Variants in SYT1 observed in about 807,000 individuals in gnomAD.
The protein encoded by SYT1 is synaptotagmin-1.
A neutral mutation model predicts 44.8 loss-of-function variants in SYT1; 8 were observed. That is an observed-to-expected ratio of 0.18 (90% confidence interval 0.10 to 0.32). SYT1 has a LOEUF of 0.32. Among genes scored for constraint, SYT1 ranks in the 10% least tolerant of loss-of-function variants. SYT1 has a pLI of 1.00. For missense variants in SYT1, 286 were observed against 509.3 expected (o/e 0.56, Z 4.22); for synonymous variants, 154 against 188.8 (o/e 0.82, Z 1.51).
Position 78,983,212 on chromosome 12 carries a change from T to C in SYT1, c.-84+5281T>C, listed in dbSNP as rs146760624. On this transcript the variant is annotated intron_variant, in intron 2 of 10. Coordinates refer to ENST00000261205, the MANE Select transcript of SYT1 (RefSeq NM_005639.3). The stretch of plus-strand genomic sequence containing the variant: ...ACTCTTTTAAGATTTTCCATCATCT[T>C]AAGTGGAAGGAACAAATAAATTCAT... Among the ~76,000 whole-genome samples the C allele has an allele frequency of 3.3e-5, 5 of 152,202 alleles. No individual in the cohort carries two copies. In the East Asian group the frequency reaches 9.7e-4, roughly 29 times the overall value.
Position 78,953,448 on chromosome 12 carries a change from G to A in SYT1, c.-216-24351G>A, listed in dbSNP as rs183675963. ...CAGCATAGAGTGTGGCACATTAGAA[G>A]TATCCGAAGTGCATTTATGTATACA... On this transcript the variant is annotated intron_variant, in intron 1 of 10. Coordinates refer to ENST00000261205, the MANE Select transcript of SYT1 (RefSeq NM_005639.3). Among the ~76,000 whole-genome samples, 289 of 152,172 alleles carry A rather than the reference G, an allele frequency of 1.9e-3. 1 individual carries two copies. Among genetic ancestry groups the A allele is most frequent in the African/African-American group, 6.5e-3 (272 of 41,532 alleles).
intron 4 of SYT1, among the ~76,000 whole-genome samples, chr12:79,249,249 C>T (rs932477413): frequency 2.0e-5 from 3 of 151,568 alleles, no homozygotes; most frequent in Admixed American, 2.0e-4. Context: ...GGACTACAGG[C>T]GCCCGCCACC....
intron 2 of SYT1, among the ~76,000 whole-genome samples, chr12:79,026,722 C>A (rs1438124714): frequency 7.8e-6 from 1 of 128,080 alleles, no homozygotes; most frequent in Non-Finnish European, 1.6e-5. Context: ...ATTGTCCATT[C>A]ACTATCAATG....
At chr12:78,929,180 T>G (rs1180310206) in intron 1 of SYT1, among the ~76,000 whole-genome samples, 1 of 151,578 alleles carries the variant, frequency 6.6e-6, no homozygotes, top group Non-Finnish European at 1.5e-5. Flanking sequence ...GACGGGCAGA[T>G]CACCTGAGGG....
Position 79,053,539 on chromosome 12 carries a change from ATT to A in SYT1, c.-18+6178_-18+6179del, listed in dbSNP as rs578103317. ...AAAATTTAAAAAAATTCTTATATAT[ATT>A]ATATAAATTCTTATGTATAAAATAA... On this transcript the variant is annotated intron_variant, in intron 3 of 10. Transcript: ENST00000261205. 1.6e-4 allele frequency among the ~76,000 whole-genome samples: 24 copies of A among 149,690 alleles called. 1 individual carries two copies. In the South Asian group the frequency reaches 4.8e-3, roughly 30 times the overall value.
At chr12:78,890,472 G>T (rs1024288701) in intron 1 of SYT1, among the ~76,000 whole-genome samples, 14 of 151,782 alleles carry the variant, frequency 9.2e-5, no homozygotes, top group Non-Finnish European at 1.8e-4. Flanking sequence ...ACACCAACAA[G>T]GCACTTGTAT....
chr12:79,014,963 A>G (rs1456036639), intron 2 of SYT1, among the ~76,000 whole-genome samples: 1 of 152,082 alleles, frequency 6.6e-6, no homozygotes, highest in Non-Finnish European at 1.5e-5. Flanking sequence ...TCGCAAGGAT[A>G]AAAAACCAAA....
At position 79,285,968 on chromosome 12, in the gene SYT1, T is replaced by C. The variant is rs766812143; in HGVS notation, c.348T>C (p.Asp116=). 6.2e-7 allele frequency: 1 copy of C among 1,603,534 alleles called. No individual in the cohort carries two copies. Among genetic ancestry groups the C allele is most frequent in the Admixed American group, 1.8e-5 (1 of 57,016 alleles). The part of the protein sequence containing the change: ...DVKDLGKTMK[D]QALKDDDAET... Reference sequence around the variant, plus strand: ...AAGACTTAGGGAAGACGATGAAAGATCAGGTAATGTATTCTTTCTACATTT... The same window carrying C: ...AAGACTTAGGGAAGACGATGAAAGACCAGGTAATGTATTCTTTCTACATTT... The change falls in exon 5 of 11, where the codon GAT becomes GAC. Residue 116 remains aspartate, a synonymous_variant. Coordinates refer to ENST00000261205, the MANE Select transcript of SYT1 (RefSeq NM_005639.3).
intron 3 of SYT1, among the ~76,000 whole-genome samples, chr12:79,134,176 T>A (rs1437736462): frequency 6.6e-6 from 1 of 152,158 alleles, no homozygotes; most frequent in Non-Finnish European, 1.5e-5. Flanking sequence ...GTTGTGTATA[T>A]GCAAACTGGA....
chr12:79,393,928 G>T (rs986980042), intron 9 of SYT1: 1 of 151,974 alleles, frequency 6.6e-6, no homozygotes, highest in East Asian at 1.9e-4. Flanking sequence ...TCTGCCTTCT[G>T]GGGAAGAAAT....
chr12:79,311,799 A>G (rs1023167665), intron 8 of SYT1, among the ~76,000 whole-genome samples: 9 of 144,834 alleles, frequency 6.2e-5, no homozygotes, highest in Admixed American at 3.5e-4. Context: ...GTTCTCACTC[A>G]TAGGTGGGAA....
At chr12:79,164,097 T>TA (rs1344903590) in intron 3 of SYT1, among the ~76,000 whole-genome samples, 1 of 151,982 alleles carries the variant, frequency 6.6e-6, no homozygotes, top group African/African-American at 2.4e-5. Flanking sequence ...TCTTTTCCAT[T>TA]AAAAAAATAA....
intron 1 of SYT1, among the ~76,000 whole-genome samples, chr12:78,902,553 C>A (rs1206791414): frequency 1.3e-5 from 2 of 151,980 alleles, no homozygotes; most frequent in African/African-American, 4.8e-5. Context: ...GTAATAACAG[C>A]CCTCACTTTG....
At chr12:79,273,581 A>G (rs7959607) in intron 4 of SYT1, among the ~76,000 whole-genome samples, 1,668 of 152,276 alleles carry the variant, frequency 0.011, 28 homozygotes, top group African/African-American at 0.036. Context: ...AGAGCCTGGC[A>G]ATTCAGGCCA....
At chr12:78,929,455 G>A (rs61929214) in intron 1 of SYT1, among the ~76,000 whole-genome samples, 6,124 of 85,782 alleles carry the variant, frequency 0.071, 198 homozygotes, top group Admixed American at 0.12. Flanking sequence ...AAGGTTATTA[G>A]CAGCAATTAG....
At chr12:78,939,128 G>GT (rs1047537810) in intron 1 of SYT1, among the ~76,000 whole-genome samples, 1 of 151,988 alleles carries the variant, frequency 6.6e-6, no homozygotes, top group Admixed American at 6.6e-5. Context: ...TAATCAGGTA[G>GT]TTTTTAAAAA....
chr12:79,399,260 AT>A (rs1884985851), intron 9 of SYT1, among the ~76,000 whole-genome samples: 1 of 148,968 alleles, frequency 6.7e-6, no homozygotes, highest in Non-Finnish European at 1.5e-5. Context: ...GTTATATGAC[AT>A]TGAAACAAGT....
intron 3 of SYT1, among the ~76,000 whole-genome samples, chr12:79,066,017 C>T (rs770420715): frequency 6.6e-6 from 1 of 152,152 alleles, no homozygotes; most frequent in African/African-American, 2.4e-5. Flanking sequence ...ATGAGTCAGA[C>T]AGAAAAGACC....
At chr12:78,988,769 G>A (rs1341605927) in intron 2 of SYT1, among the ~76,000 whole-genome samples, 2 of 152,070 alleles carry the variant, frequency 1.3e-5, no homozygotes, top group Non-Finnish European at 2.9e-5. Context: ...GTAATGAACA[G>A]CCATTGGAGG....
Sources: gnomAD v4.1 joint callset for allele counts (sites outside exome capture counted in the v4.1 genomes callset) on GRCh38, gnomAD v4.1.1 for gene constraint, MANE v1.5 for transcripts, NCBI Gene and HGNC (gene_info 2026-07-23, HGNC 2026-07-21) for gene names.